Variants in VEZT observed in about 807,000 individuals in gnomAD.
VEZT encodes vezatin, adherens junctions transmembrane protein.
A neutral mutation model predicts 79.9 loss-of-function variants in VEZT; 39 were observed. The observed-to-expected ratio is 0.49, with a 90% CI of 0.38 to 0.64. The LOEUF (loss-of-function observed/expected upper bound fraction) is 0.64, where lower values mean the gene tolerates loss of function less well. Ranked by LOEUF, VEZT falls within the 30% of genes least tolerant of loss-of-function variation. VEZT has a pLI of 0.00. For missense variants in VEZT, 837 were observed against 893.1 expected (o/e 0.94, Z 0.80); for synonymous variants, 325 against 327.6 (o/e 0.99, Z 0.09).
chr12:95,245,458 A>C (rs2061591055), intron 1 of VEZT: 1 of 454,778 alleles, frequency 2.2e-6, no homozygotes, highest in Non-Finnish European at 4.4e-6. Context: ...TGGTTTTATC[A>C]GAAGTATTAC....
In VEZT at chr12:95,231,164, CCAGA is replaced by C. The variant is rs1387947773; in HGVS notation, c.36+13281_36+13284del. Among the ~76,000 whole-genome samples, 14 of 152,118 alleles carry C rather than the reference CCAGA, an allele frequency of 9.2e-5. 1 individual carries two copies. In the South Asian group the frequency reaches 1.7e-3, roughly 18 times the overall value. ...AGCGGAAAATATTAGAAGCCTGCAG[CCAGA>C]CAAACTTCTTAATATATGTGTCTTA... On this transcript the variant is annotated intron_variant, in intron 1 of 11. Coordinates refer to ENST00000436874, the MANE Select transcript of VEZT (RefSeq NM_017599.4).
chr12:95,242,057 G>A lies in VEZT; in HGVS notation c.37-9883G>A, dbSNP rs374412741. The A allele has an allele frequency of 1.3e-4, 20 of 152,304 alleles. No homozygotes were observed. The East Asian group carries it at 1.3e-3, about 10-fold the overall frequency. The allele number at this position is 152,304 out of a possible 1,614,324, so 9.4% of individuals were successfully genotyped here. A position where few individuals can be genotyped will look rare whatever the true frequency, so the allele number is the denominator to read the frequency against. On this transcript the variant is annotated intron_variant, in intron 1 of 11. Transcript: ENST00000436874. ...TTTTTAAAAATAAACACAAAAAATA[G>A]CACATGTACAAGTTACACTAGTTGA... is the stretch of plus-strand genomic sequence containing the variant.
At chr12:95,234,431 AG>A in intron 1 of VEZT, among the ~76,000 whole-genome samples, 5 of 152,022 alleles carry the variant, frequency 3.3e-5, no homozygotes, top group Admixed American at 3.3e-4. Context: ...CTGGGATTAC[AG>A]GCATGCGCCA....
At chr12:95,255,866 G>A (rs1039791416) in intron 2 of VEZT, among the ~76,000 whole-genome samples, 2 of 152,096 alleles carry the variant, frequency 1.3e-5, no homozygotes, top group Non-Finnish European at 2.9e-5. Context: ...ACACCCTACA[G>A]GATAATGTTC....
intron 1 of VEZT, among the ~76,000 whole-genome samples, chr12:95,230,423 CTTT>C (rs35895570): frequency 7.2e-6 from 1 of 138,782 alleles, no homozygotes; most frequent in African/African-American, 2.7e-5. Flanking sequence ...CTTTTTCTTT[CTTT>C]TTTTTTTTTG....
chr12:95,280,703 A>C (rs1391427608), intron 7 of VEZT, among the ~76,000 whole-genome samples: 1 of 152,194 alleles, frequency 6.6e-6, no homozygotes, highest in Non-Finnish European at 1.5e-5. Context: ...AAGCTCCATC[A>C]GAGTGGGGAC....
intron 1 of VEZT, among the ~76,000 whole-genome samples, chr12:95,222,652 T>G (rs1351057262): frequency 6.6e-6 from 1 of 152,138 alleles, no homozygotes; most frequent in African/African-American, 2.4e-5. Context: ...CCATATAAAT[T>G]TTAGAATCAG....
chr12:95,241,059 G>C (rs974172768), intron 1 of VEZT, among the ~76,000 whole-genome samples: 2 of 151,934 alleles, frequency 1.3e-5, no homozygotes, highest in African/African-American at 4.8e-5. Flanking sequence ...TTTTTAAGAC[G>C]GAGTCTTGCT....
At chr12:95,251,490 A>T (rs1009234204) in intron 1 of VEZT, among the ~76,000 whole-genome samples, 14 of 152,336 alleles carry the variant, frequency 9.2e-5, no homozygotes, top group African/African-American at 3.1e-4. Flanking sequence ...GAATTAAGGA[A>T]TATGATGAGA....
At chr12:95,252,612 GT>G (rs1390107076) in intron 2 of VEZT, among the ~76,000 whole-genome samples, 1 of 152,152 alleles carries the variant, frequency 6.6e-6, no homozygotes, top group African/African-American at 2.4e-5. Flanking sequence ...CATTAATTAT[GT>G]TCTACAAAAT....
At chr12:95,276,165 C>T (rs373093001) in intron 7 of VEZT, among the ~76,000 whole-genome samples, 19 of 151,742 alleles carry the variant, frequency 1.3e-4, no homozygotes, top group Middle Eastern at 3.4e-3. Flanking sequence ...CAGAAAGTAA[C>T]CAAAGATATA....
intron 4 of VEZT, among the ~76,000 whole-genome samples, chr12:95,265,554 A>G (rs2065371164): frequency 6.6e-6 from 1 of 151,326 alleles, no homozygotes; most frequent in South Asian, 2.1e-4. Context: ...AAAATCTCTA[A>G]TTTGCTTTTT....
intron 1 of VEZT, among the ~76,000 whole-genome samples, chr12:95,235,615 G>A (rs2059993671): frequency 6.8e-6 from 1 of 146,866 alleles, no homozygotes; most frequent in Admixed American, 6.7e-5. Context: ...AGTAGGGCCG[G>A]CCGGGCAGAG....
chr12:95,262,498 C>G (rs1355239625), intron 3 of VEZT: 2 of 154,748 alleles, frequency 1.3e-5, no homozygotes, highest in Non-Finnish European at 2.9e-5. Context: ...TTTTAGGAGG[C>G]CTTGATCCTG....
At chr12:95,248,074 G>A (rs991657836) in intron 1 of VEZT, among the ~76,000 whole-genome samples, 7 of 152,134 alleles carry the variant, frequency 4.6e-5, no homozygotes, top group African/African-American at 1.7e-4. Flanking sequence ...GATTTTTCCA[G>A]AACTGTAAAA....
intron 5 of VEZT, among the ~76,000 whole-genome samples, chr12:95,268,002 A>G (rs1237662264): frequency 2.0e-5 from 3 of 152,054 alleles, no homozygotes; most frequent in Admixed American, 1.3e-4. Context: ...AGTTTGGGCA[A>G]CAGAACTGGA....
At chr12:95,248,378 G>A (rs1038891307) in intron 1 of VEZT, among the ~76,000 whole-genome samples, 1 of 152,150 alleles carries the variant, frequency 6.6e-6, no homozygotes, top group African/African-American at 2.4e-5. Flanking sequence ...CCAGATTATG[G>A]TGATCCGAAC....
At chr12:95,249,551 A>G (rs1057136244) in intron 1 of VEZT, among the ~76,000 whole-genome samples, 3 of 152,248 alleles carry the variant, frequency 2.0e-5, no homozygotes, top group Non-Finnish European at 4.4e-5. Context: ...AAAAGAGATT[A>G]AACATAGCTT....
At chr12:95,243,255 G>T (rs1004367033) in intron 1 of VEZT, among the ~76,000 whole-genome samples, 4 of 150,992 alleles carry the variant, frequency 2.6e-5, no homozygotes, top group Admixed American at 2.6e-4. Context: ...CATGCCTGTG[G>T]TCCCAGCTAC....
Sources: allele counts gnomAD v4.1 joint callset (sites outside exome capture counted in the v4.1 genomes callset), GRCh38; gene constraint gnomAD v4.1.1; transcripts MANE v1.5; gene names NCBI Gene and HGNC (gene_info 2026-07-23, HGNC 2026-07-21).